PPP2R5E: variants seen among roughly 807,000 people sequenced by gnomAD.
The protein encoded by PPP2R5E is serine/threonine-protein phosphatase 2A 56 kDa regulatory subunit epsilon isoform.
Under a neutral mutation model 65.3 loss-of-function variants are expected in PPP2R5E, and 4 were observed. The ratio of observed to expected loss-of-function variants is 0.06; its 90% CI spans 0.03 to 0.14. The LOEUF (loss-of-function observed/expected upper bound fraction) is 0.14. PPP2R5E is among the 10% of genes least tolerant of loss of function. The probability of loss-of-function intolerance (pLI) is 1.00; values close to 1 mark genes in which losing one functional copy is unlikely to be tolerated. For synonymous variants in PPP2R5E, 183 were observed against 187.4 expected, an observed-to-expected ratio of 0.98 and a Z score of 0.19; for missense variants, 274 against 556.1, an observed-to-expected ratio of 0.49 and a Z score of 5.10.
intron 5 of PPP2R5E, among the ~76,000 whole-genome samples, chr14:63,412,634 A>G (rs967928331): frequency 6.6e-6 from 1 of 152,248 alleles, no homozygotes; most frequent in African/African-American, 2.4e-5. Flanking sequence ...TAGATCCAGA[A>G]GGCAAATGGG....
intron 2 of PPP2R5E, among the ~76,000 whole-genome samples, chr14:63,522,785 C>T (rs937664391): frequency 4.6e-5 from 7 of 151,288 alleles, no homozygotes; most frequent in Non-Finnish European, 8.9e-5. Flanking sequence ...CGTCACCGCC[C>T]GGCAGCCACC....
chr14:63,415,759 T>C (rs1261049278), intron 4 of PPP2R5E, among the ~76,000 whole-genome samples: 1 of 152,220 alleles, frequency 6.6e-6, no homozygotes, highest in African/African-American at 2.4e-5. Flanking sequence ...AATTCCATTA[T>C]TCATAATTAA....
intron 5 of PPP2R5E, among the ~76,000 whole-genome samples, chr14:63,414,204 A>C (rs1047359684): frequency 2.0e-5 from 3 of 152,204 alleles, no homozygotes; most frequent in Non-Finnish European, 4.4e-5. Flanking sequence ...TTAATTAAGG[A>C]GGGAAATGAG....
At chr14:63,461,658 G>T (rs1415145487) in intron 2 of PPP2R5E, among the ~76,000 whole-genome samples, 1 of 110,598 alleles carries the variant, frequency 9.0e-6, no homozygotes, top group Admixed American at 7.9e-5. Context: ...AAAAAAAATT[G>T]CTGGGCTTGG....
intron 4 of PPP2R5E, among the ~76,000 whole-genome samples, chr14:63,421,525 G>C (rs1406050498): frequency 6.6e-6 from 1 of 152,160 alleles, no homozygotes; most frequent in Non-Finnish European, 1.5e-5. Flanking sequence ...TTACAGTACT[G>C]TGAACGAAAT....
At chr14:63,392,215 T>C (rs866178506) in intron 8 of PPP2R5E, among the ~76,000 whole-genome samples, 190 bp from the exon 9 acceptor site, 47 of 152,290 alleles carry the variant, frequency 3.1e-4, no homozygotes, top group African/African-American at 1.1e-3. Context: ...AAGACTAATA[T>C]TAACAAGGCT....
At chr14:63,470,358 C>T (rs1054454150) in intron 2 of PPP2R5E, among the ~76,000 whole-genome samples, 2 of 151,334 alleles carry the variant, frequency 1.3e-5, no homozygotes, top group South Asian at 4.2e-4. Context: ...CAAGTGTGAG[C>T]CCCTGCATCC....
chr14:63,412,848 A>T (rs1480130134), intron 5 of PPP2R5E, among the ~76,000 whole-genome samples: 1 of 152,232 alleles, frequency 6.6e-6, no homozygotes, highest in African/African-American at 2.4e-5. Context: ...TGAGGCTATG[A>T]GCATTTGAAT....
At chr14:63,533,090 C>A (rs1893503238) in intron 2 of PPP2R5E, among the ~76,000 whole-genome samples, 1 of 152,142 alleles carries the variant, frequency 6.6e-6, no homozygotes, top group African/African-American at 2.4e-5. Flanking sequence ...CCACCTCGAC[C>A]TGCCAAAGTG....
At position 63,400,867 on chromosome 14, in the gene PPP2R5E, C is replaced by T. The variant is rs1222786045; in HGVS notation, c.550-4151G>A. The stretch of plus-strand genomic sequence containing the variant: ...TTTTATTTTTTAAATTTCGTTTCTA[C>T]TTTTAAGTGTTTCAAAAGGCTTTAA... On this transcript the variant is annotated intron_variant, in intron 5 of 13. Coordinates refer to ENST00000337537, the MANE Select transcript of PPP2R5E (RefSeq NM_006246.5). Among the ~76,000 whole-genome samples the T allele has an allele frequency of 2.0e-5, 3 of 152,034 alleles. No individual in the cohort carries two copies. In the East Asian group the frequency reaches 5.8e-4, roughly 29 times the overall value.
chr14:63,529,078 G>A (rs72716310), intron 2 of PPP2R5E, among the ~76,000 whole-genome samples: 4,628 of 152,030 alleles, frequency 0.03, 94 homozygotes, highest in East Asian at 0.045. Flanking sequence ...TTCCTGTCTC[G>A]GCCTCCCAAG....
At chr14:63,473,287 C>T (rs1320722016) in intron 2 of PPP2R5E, among the ~76,000 whole-genome samples, 2 of 152,086 alleles carry the variant, frequency 1.3e-5, no homozygotes, top group African/African-American at 2.4e-5. Context: ...ATAAATTAAA[C>T]GGTAGAGATT....
At chr14:63,533,633 T>G (rs1039571982) in intron 2 of PPP2R5E, among the ~76,000 whole-genome samples, 1 of 148,984 alleles carries the variant, frequency 6.7e-6, no homozygotes, top group African/African-American at 2.5e-5. Flanking sequence ...AAATGTATAA[T>G]GAATTGTGAG....
At position 63,462,732 on chromosome 14, in the gene PPP2R5E, T is replaced by C. The variant is rs74951601; in HGVS notation, c.158-8847A>G. On this transcript the variant is annotated intron_variant, in intron 2 of 13. Transcript: ENST00000337537. The stretch of plus-strand genomic sequence containing the variant: ...CTAAAGAATAGAGGAAAAGGCTTGA[T>C]ATAATGTATTTAATAAAATAAATTA... Among the ~76,000 whole-genome samples, 1,221 of 152,290 alleles carry C rather than the reference T, an allele frequency of 8.0e-3. 43 individuals are homozygous for C. In the East Asian group the frequency reaches 0.11, roughly 14 times the overall value.
intron 2 of PPP2R5E, among the ~76,000 whole-genome samples, chr14:63,485,518 G>A (rs567503556): frequency 1.3e-5 from 2 of 152,218 alleles, no homozygotes; most frequent in Admixed American, 1.3e-4. Flanking sequence ...AGGTTCAAGC[G>A]ATTTTCCTGC....
chr14:63,408,259 GTA>G (rs1167741171), intron 5 of PPP2R5E, among the ~76,000 whole-genome samples: 1 of 151,974 alleles, frequency 6.6e-6, no homozygotes, highest in Non-Finnish European at 1.5e-5. Flanking sequence ...AATAACCTTT[GTA>G]TATATATCTT....
chr14:63,477,861 T>A (rs951057789), intron 2 of PPP2R5E, among the ~76,000 whole-genome samples: 2 of 151,096 alleles, frequency 1.3e-5, no homozygotes, highest in African/African-American at 4.8e-5. Flanking sequence ...AAAATTTAAA[T>A]ATATATATAT....
At chr14:63,492,754 G>C (rs1891341798) in intron 2 of PPP2R5E, among the ~76,000 whole-genome samples, 1 of 152,050 alleles carries the variant, frequency 6.6e-6, no homozygotes, top group Non-Finnish European at 1.5e-5. Context: ...GTTTTGGTTT[G>C]GTTGGGAAGG....
intron 2 of PPP2R5E, among the ~76,000 whole-genome samples, chr14:63,517,135 A>G (rs990445462): frequency 1.3e-5 from 2 of 152,164 alleles, no homozygotes; most frequent in African/African-American, 4.8e-5. Flanking sequence ...ATGAGTATCA[A>G]TTGTTAACTA....
Sources: gnomAD v4.1 joint callset for allele counts (sites outside exome capture counted in the v4.1 genomes callset) on GRCh38, gnomAD v4.1.1 for gene constraint, MANE v1.5 for transcripts, NCBI Gene and HGNC (gene_info 2026-07-23, HGNC 2026-07-21) for gene names.